The following RNF220 variants were observed in gnomAD, a reference collection of about 807,000 sequenced individuals.
The protein encoded by RNF220 is ring finger protein 220.
A neutral mutation model predicts 67.1 loss-of-function variants in RNF220; 7 were observed. That is an observed-to-expected ratio of 0.10 (90% CI 0.06 to 0.20). The LOEUF (loss-of-function observed/expected upper bound fraction) is 0.20. RNF220 is among the 10% of genes least tolerant of loss of function. The pLI is 1.00. For synonymous variants in RNF220, 270 were observed against 283.2 expected (o/e 0.95, Z 0.47); for missense variants, 565 against 740.3 (o/e 0.76, Z 2.75).
chr1:44,507,642 G>T (rs1219013370), intron 2 of RNF220, among the ~76,000 whole-genome samples: 1 of 152,080 alleles, frequency 6.6e-6, no homozygotes, highest in Admixed American at 6.5e-5. Flanking sequence ...TGGCGTGGGG[G>T]TTGATACCAC....
intron 2 of RNF220, among the ~76,000 whole-genome samples, chr1:44,518,572 G>T (rs1659644283): frequency 6.6e-6 from 1 of 151,568 alleles, no homozygotes; most frequent in Admixed American, 6.6e-5. Context: ...AGAAGAGACA[G>T]AAAGCCTTTA....
chr1:44,614,361 C>A, intron 3 of RNF220, 64 bp downstream of exon 3: 1 of 1,579,848 alleles, frequency 6.3e-7, no homozygotes, highest in Non-Finnish European at 8.6e-7. Flanking sequence ...GCCACCGGAT[C>A]CCAGAAGCAG....
intron 2 of RNF220, among the ~76,000 whole-genome samples, chr1:44,432,455 GA>G (rs1650493049): frequency 6.6e-6 from 1 of 152,038 alleles, no homozygotes; most frequent in African/African-American, 2.4e-5. Flanking sequence ...ATTTTTAGTA[GA>G]GACAGGGTTT....
chr1:44,510,746 C>T (rs1231769547), intron 2 of RNF220, among the ~76,000 whole-genome samples: 2 of 152,202 alleles, frequency 1.3e-5, no homozygotes, highest in African/African-American at 4.8e-5. Context: ...AGTCGTTACG[C>T]ACTGTGAGCA....
intron 2 of RNF220, among the ~76,000 whole-genome samples, chr1:44,504,377 G>C (rs1020397927): frequency 1.3e-5 from 2 of 152,144 alleles, no homozygotes. Context: ...GCTGGGACAC[G>C]GACACTTTTA....
At chr1:44,521,770 A>G (rs541047125) in intron 2 of RNF220, among the ~76,000 whole-genome samples, 14 of 152,322 alleles carry the variant, frequency 9.2e-5, no homozygotes, top group African/African-American at 3.4e-4. Flanking sequence ...ACTAGACTGT[A>G]TGCACGGTGA....
chr1:44,645,616 G>A lies in RNF220; in HGVS notation c.1445+128G>A, dbSNP rs1644617810. 2 of 896,550 alleles carry A rather than the reference G, an allele frequency of 2.2e-6. No individual in the cohort carries two copies. The highest frequency in any genetic ancestry group is 1.7e-5 in the African/African-American group (1 of 59,648). 55.5% of individuals were successfully genotyped at this position (896,550 alleles called of 1,614,324 possible). ...GTGCAGCTCAGTGCTGCTGCCCTGG[G>A]CACACGGCCGGCAGTGGAGCCCAGC... On this transcript the variant is annotated intron_variant, in intron 12 of 14. Transcript: ENST00000361799. This position sits in a 1 kb window ranked among gnomAD's most constrained non-coding sequence, Gnocchi z 5.0.
At chr1:44,517,163 T>G (rs1028153535) in intron 2 of RNF220, among the ~76,000 whole-genome samples, 10 of 152,116 alleles carry the variant, frequency 6.6e-5, no homozygotes, top group African/African-American at 2.4e-4. Context: ...GGAACTGTCT[T>G]CTATTTGATT....
At position 44,518,889 on chromosome 1, in the gene RNF220, CA is replaced by C. The variant is rs71036682; in HGVS notation, c.626-95263del. Reference sequence around the variant, plus strand: ...GACTCCGTCTAAAAAACAAAAAAAACAAAAAAAAAAAAACTTAATCCTGATT... The same window carrying C: ...GACTCCGTCTAAAAAACAAAAAAAACAAAAAAAAAAAACTTAATCCTGATT... On this transcript the variant is annotated intron_variant, in intron 2 of 14. Coordinates refer to ENST00000361799, the MANE Select transcript of RNF220 (RefSeq NM_018150.4). 6.7e-3 allele frequency among the ~76,000 whole-genome samples: 947 copies of C among 141,070 alleles called. 15 individuals carry two copies. The highest frequency in any genetic ancestry group is 0.021 in the African/African-American group (800 of 37,836). 92.5% of individuals were successfully genotyped at this position (141,070 alleles called of 152,430 possible).
chr1:44,456,071 T>A (rs1572557281), intron 2 of RNF220, among the ~76,000 whole-genome samples: 1 of 152,200 alleles, frequency 6.6e-6, no homozygotes, highest in East Asian at 1.9e-4. Context: ...ATAAGGATTC[T>A]CTTAATTTGG....
intron 6 of RNF220, among the ~76,000 whole-genome samples, chr1:44,633,433 C>T (rs1448053348): frequency 6.6e-6 from 1 of 152,220 alleles, no homozygotes; most frequent in African/African-American, 2.4e-5. Context: ...CCTACTCGTA[C>T]GTAGCCTCTG....
intron 2 of RNF220, among the ~76,000 whole-genome samples, chr1:44,505,394 C>T (rs1004642762): frequency 6.6e-6 from 1 of 152,230 alleles, no homozygotes; most frequent in Non-Finnish European, 1.5e-5. Context: ...TCTCCGCCTC[C>T]TTGGCTCTAC....
chr1:44,531,920 C>T (rs1226384300), intron 2 of RNF220, among the ~76,000 whole-genome samples: 1 of 152,224 alleles, frequency 6.6e-6, no homozygotes, highest in Non-Finnish European at 1.5e-5. Flanking sequence ...AGGGGACATA[C>T]AAGAATCAGC....
At chr1:44,582,635 T>C (rs1665384695) in intron 2 of RNF220, among the ~76,000 whole-genome samples, 1 of 150,870 alleles carries the variant, frequency 6.6e-6, no homozygotes, top group African/African-American at 2.4e-5. Context: ...CAGGCGCCTC[T>C]AATCCCAGCT....
intron 2 of RNF220, among the ~76,000 whole-genome samples, chr1:44,535,335 T>G (rs1043126820): frequency 6.6e-6 from 1 of 152,024 alleles, no homozygotes; most frequent in Non-Finnish European, 1.5e-5. Flanking sequence ...GAAACGGGGT[T>G]TCACCATATT....
intron 2 of RNF220, chr1:44,424,069 C>T (rs1334186173): frequency 4.0e-5 from 39 of 967,554 alleles, no homozygotes; most frequent in Admixed American, 6.2e-5. Flanking sequence ...GCGTTGTGCT[C>T]GGTGCTGTTT....
intron 9 of RNF220, 53 bp from the exon 10 acceptor site, chr1:44,644,942 A>C: frequency 6.3e-7 from 1 of 1,599,886 alleles, no homozygotes; most frequent in Non-Finnish European, 8.5e-7. Context: ...TGAGGATTCA[A>C]CCCTCATAGC....
chr1:44,558,328 A>T (rs1663282387), intron 2 of RNF220, among the ~76,000 whole-genome samples: 1 of 152,228 alleles, frequency 6.6e-6, no homozygotes, highest in Admixed American at 6.5e-5. Context: ...ACCAAGGGCC[A>T]TACCTTTGGC....
chr1:44,611,829 T>C (rs1427351400), intron 2 of RNF220, among the ~76,000 whole-genome samples: 1 of 152,228 alleles, frequency 6.6e-6, no homozygotes, highest in Non-Finnish European at 1.5e-5. Flanking sequence ...AGAATAATTG[T>C]TAAATGTTTG....
Sources: allele counts gnomAD v4.1 joint callset (sites outside exome capture counted in the v4.1 genomes callset), GRCh38; gene constraint gnomAD v4.1.1; non-coding constraint Gnocchi (gnomAD v3.1); transcripts MANE v1.5; gene names NCBI Gene and HGNC (gene_info 2026-07-23, HGNC 2026-07-21).